The following OR7E24 variants were observed in gnomAD, a reference collection of about 807,000 sequenced individuals.
The protein encoded by OR7E24 is olfactory receptor 7E24.
For synonymous variants in OR7E24, 130 were observed against 157.5 expected (o/e 0.83, Z 1.31); for missense variants, 385 against 410.3 (o/e 0.94, Z 0.53).
the OR7E24 span, chr19:9,207,556 A>G: frequency 3.3e-5 from 5 of 152,250 alleles, no homozygotes; most frequent in African/African-American, 9.6e-5. Context: ...TTTACAGGGT[A>G]CAAAAATGCA....
chr19:9,236,241 G>T, the OR7E24 span: 17 of 562,738 alleles, frequency 3.0e-5, no homozygotes, highest in Admixed American at 5.2e-4. Context: ...GGCCGGGCAC[G>T]GTGGCTTACA....
In OR7E24 at chr19:9,251,954, A is replaced by T. The variant is rs1555721026; in HGVS notation, c.911A>T (p.Asn304Ile). Reference protein sequence around the residue: ...VMYTVVTPMLNPFIYSLRNKD... With the variant: ...VMYTVVTPMLIPFIYSLRNKD... ...TACACTGTGGTCACCCCCATGCTGA[A>T]CCCCTTCATCTACAGCCTGAGGAAC... Residue 304 changes from asparagine (N) to isoleucine (I), a missense_variant, in exon 1 of 1, where the codon AAC (asparagine) becomes ATC (isoleucine). By Grantham distance (149) the Asn-to-Ile change is moderately radical. Coordinates refer to ENST00000456448, the MANE Select transcript of OR7E24 (RefSeq NM_001079935.2). 1 of 1,613,408 alleles carries T rather than the reference A, an allele frequency of 6.2e-7. No homozygotes were observed. The highest frequency in any genetic ancestry group is 1.1e-5 in the South Asian group (1 of 91,022).
chr19:9,213,169 G>A, the OR7E24 span: 1 of 152,124 alleles, frequency 6.6e-6, no homozygotes, highest in Non-Finnish European at 1.5e-5. Flanking sequence ...TTCCTATCCA[G>A]AGGACAAGAA....
chr19:9,231,999 G>T, the OR7E24 span, among the ~76,000 whole-genome samples: 1 of 152,260 alleles, frequency 6.6e-6, no homozygotes, highest in African/African-American at 2.4e-5. Context: ...AAATTACTTA[G>T]GCAGCTAGTG....
the OR7E24 span, among the ~76,000 whole-genome samples, chr19:9,220,834 T>A: frequency 6.6e-6 from 1 of 152,218 alleles, no homozygotes; most frequent in African/African-American, 2.4e-5. Flanking sequence ...ACCAACAGTG[T>A]AGAAGGGTTT....
At chr19:9,233,907 C>CTTTTTT in the OR7E24 span, among the ~76,000 whole-genome samples, 1 of 143,628 alleles carries the variant, frequency 7.0e-6, no homozygotes, top group African/African-American at 2.6e-5. Context: ...ACATGTCTTT[C>CTTTTTT]TTTTTTTTTT....
upstream of OR7E24, among the ~76,000 whole-genome samples, chr19:9,243,343 C>T (rs1267384458): frequency 2.8e-5 from 4 of 142,608 alleles, no homozygotes; most frequent in Admixed American, 6.8e-5. Context: ...GTTGCTCTGG[C>T]ATTTTTTTTT....
chr19:9,223,621 C>T, the OR7E24 span, among the ~76,000 whole-genome samples: 1 of 152,032 alleles, frequency 6.6e-6, no homozygotes, highest in African/African-American at 2.4e-5. Flanking sequence ...TTCTATACAC[C>T]CCTTTTTCAG....
rs750040898 is a variant in OR7E24, at chr19:9,252,060, A to G, written c.1017A>G (p.Gly339=). The change falls in exon 1 of 1, where the codon GGA becomes GGG. Residue 339 remains glycine (G), a synonymous_variant. Transcript: ENST00000456448. ...ATCTCCATCCTTTTTGTTATATGGGATAGAAATGGCAGCAAAATTTAACAC... is the reference window on the plus strand; with the variant it reads ...ATCTCCATCCTTTTTGTTATATGGGGTAGAAATGGCAGCAAAATTTAACAC... The part of the protein sequence containing the change: ...SHHLHPFCYM[G] The G allele has an allele frequency of 1.2e-6, 2 of 1,610,424 alleles. No homozygotes were observed. The highest frequency in any genetic ancestry group is 4.5e-5 in the East Asian group (2 of 44,834).
the OR7E24 span, among the ~76,000 whole-genome samples, chr19:9,228,382 C>T: frequency 1.3e-5 from 2 of 152,150 alleles, no homozygotes; most frequent in Non-Finnish European, 2.9e-5. Flanking sequence ...AAATTAAACA[C>T]ATTCCCCTAT....
the OR7E24 span, chr19:9,209,885 C>T: frequency 6.6e-6 from 1 of 152,046 alleles, no homozygotes; most frequent in Non-Finnish European, 1.5e-5. Flanking sequence ...GAACTCTTGA[C>T]CTTGTGATCC....
chr19:9,248,875 T>G (rs1487273934), upstream of OR7E24, among the ~76,000 whole-genome samples: 1 of 152,212 alleles, frequency 6.6e-6, no homozygotes, highest in Non-Finnish European at 1.5e-5. Context: ...AGAAGTTTAG[T>G]GCCAGAGACT....
At chr19:9,240,532 C>A in the OR7E24 span, among the ~76,000 whole-genome samples, 1 of 152,124 alleles carries the variant, frequency 6.6e-6, no homozygotes, top group African/African-American at 2.4e-5. Flanking sequence ...AATGATTTGC[C>A]ATAAATTCAT....
the OR7E24 span, among the ~76,000 whole-genome samples, chr19:9,224,772 A>G: frequency 2.0e-5 from 3 of 152,032 alleles, no homozygotes; most frequent in African/African-American, 7.2e-5. Flanking sequence ...CAAAACAAAA[A>G]AAAAAAAGAG....
the OR7E24 span, among the ~76,000 whole-genome samples, chr19:9,220,447 A>G: frequency 6.6e-6 from 1 of 152,210 alleles, no homozygotes; most frequent in East Asian, 1.9e-4. Flanking sequence ...GATTCCACAT[A>G]TGAGTGAGAT....
At chr19:9,243,072 T>C (rs2066120459), upstream of OR7E24, among the ~76,000 whole-genome samples, 2 of 152,216 alleles carry the variant, frequency 1.3e-5, no homozygotes, top group South Asian at 4.1e-4. Context: ...TCTGAGACTT[T>C]CTGGAGATGT....
the OR7E24 span, among the ~76,000 whole-genome samples, chr19:9,230,655 C>T: frequency 6.6e-6 from 1 of 152,126 alleles, no homozygotes; most frequent in Non-Finnish European, 1.5e-5. Flanking sequence ...TATAATTTTA[C>T]TATGTTGCTG....
the OR7E24 span, among the ~76,000 whole-genome samples, chr19:9,241,168 T>G: frequency 1.1e-3 from 167 of 152,240 alleles, 1 homozygote; most frequent in African/African-American, 3.8e-3. Context: ...GAAAGTAGGG[T>G]TCAATCTACT....
At chr19:9,243,635 C>T (rs1425364143), upstream of OR7E24, among the ~76,000 whole-genome samples, 1 of 152,128 alleles carries the variant, frequency 6.6e-6, no homozygotes, top group Non-Finnish European at 1.5e-5. Flanking sequence ...ACAGGCTTAG[C>T]TTTCTGATGC....
Sources: gnomAD v4.1 joint callset for allele counts (sites outside exome capture counted in the v4.1 genomes callset) on GRCh38, gnomAD v4.1.1 for gene constraint, MANE v1.5 for transcripts, NCBI Gene and HGNC (gene_info 2026-07-23, HGNC 2026-07-21) for gene names.